Variants in ARHGAP18 observed in about 807,000 individuals in gnomAD.
ARHGAP18 encodes the protein Rho GTPase activating protein 18.
ARHGAP18 carries 67 observed loss-of-function variants against 86.2 expected under a neutral mutation model. That is an observed-to-expected ratio of 0.78 (90% confidence interval 0.64 to 0.95). The LOEUF (loss-of-function observed/expected upper bound fraction) is 0.95, where lower values mean the gene tolerates loss of function less well. Among genes scored for constraint, ARHGAP18 ranks in the 40% least tolerant of loss-of-function variants. The pLI is 0.00. For missense variants in ARHGAP18, 691 were observed against 780.4 expected, an observed-to-expected ratio of 0.89 and a Z score of 1.37; for synonymous variants, 283 against 280.4, an observed-to-expected ratio of 1.01 and a Z score of -0.09.
At chr6:129,624,420 C>T (rs1166949352) in intron 5 of ARHGAP18, among the ~76,000 whole-genome samples, 1 of 151,914 alleles carries the variant, frequency 6.6e-6, no homozygotes, top group Non-Finnish European at 1.5e-5. Context: ...ATCCCTGCTA[C>T]TCGGGAGGCT....
intron 13 of ARHGAP18, among the ~76,000 whole-genome samples, chr6:129,580,530 G>T (rs889896106): frequency 1.3e-5 from 2 of 152,120 alleles, no homozygotes; most frequent in East Asian, 1.9e-4. Context: ...TATTCAATAA[G>T]TATTTATCAT....
At chr6:129,667,134 A>C (rs1774054942) in intron 1 of ARHGAP18, among the ~76,000 whole-genome samples, 1 of 152,140 alleles carries the variant, frequency 6.6e-6, no homozygotes, top group African/African-American at 2.4e-5. Context: ...GGGAGTAAAA[A>C]TATCTTCCCA....
intron 5 of ARHGAP18, among the ~76,000 whole-genome samples, chr6:129,621,080 T>C (rs1789219262): frequency 2.0e-5 from 3 of 152,200 alleles, no homozygotes; most frequent in South Asian, 2.1e-4. Context: ...AACTATAATA[T>C]TGTTATATTA....
chr6:129,577,730 A>C lies in ARHGAP18; in HGVS notation c.*783T>G, dbSNP rs1232940297. On this transcript the variant is annotated 3_prime_UTR_variant, in exon 15 of 15. Coordinates refer to ENST00000368149, the MANE Select transcript of ARHGAP18 (RefSeq NM_033515.3). ...TTCCATTTAGAAGAGTACAGTAGAC[A>C]GAAAGTGCTTTGGCTTTCACTCTCT... The C allele has an allele frequency of 1.3e-5, 2 of 152,200 alleles. No homozygotes were observed. Among genetic ancestry groups the C allele is most frequent in the Non-Finnish European group, 2.9e-5 (2 of 68,030 alleles). The allele number at this position is 152,200 out of a possible 1,614,324, so 9.4% of individuals were successfully genotyped here.
At chr6:129,707,957 C>A (rs1462502345) in intron 1 of ARHGAP18, among the ~76,000 whole-genome samples, 1 of 152,058 alleles carries the variant, frequency 6.6e-6, no homozygotes, top group South Asian at 2.1e-4. Context: ...AAGTCCAGTT[C>A]ACCGCCCCGA....
intron 3 of ARHGAP18, among the ~76,000 whole-genome samples, chr6:129,635,636 T>C (rs1432223969): frequency 2.0e-5 from 3 of 152,340 alleles, no homozygotes; most frequent in South Asian, 4.1e-4. Context: ...TATTTCCTAG[T>C]GTCAGCAAGG....
intron 1 of ARHGAP18, among the ~76,000 whole-genome samples, chr6:129,708,040 T>C (rs1348116236): frequency 6.6e-6 from 1 of 151,628 alleles, no homozygotes; most frequent in Non-Finnish European, 1.5e-5. Flanking sequence ...CTTCTATCCA[T>C]CCCCTCCCCC....
At chr6:129,662,701 A>G (rs1044415704) in intron 1 of ARHGAP18, among the ~76,000 whole-genome samples, 3 of 152,220 alleles carry the variant, frequency 2.0e-5, no homozygotes, top group African/African-American at 7.2e-5. Context: ...TACAGCTCAC[A>G]TTGATACAAG....
rs774621306 is a variant in ARHGAP18, at chr6:129,710,152, A to T, written c.-16T>A. 6.3e-7 allele frequency: 1 copy of T among 1,589,958 alleles called. No homozygotes were observed. Among genetic ancestry groups the T allele is most frequent in the African/African-American group, 1.3e-5 (1 of 74,596 alleles). ...GCCAGCTCATGGTGAGAGAAGGGAC[A>T]TACTTTCTGCGATCCTGACACAGAG... On this transcript the variant is annotated 5_prime_UTR_variant, in exon 1 of 15. It removes an upstream start codon present in the reference 5' UTR. Coordinates refer to ENST00000368149, the MANE Select transcript of ARHGAP18 (RefSeq NM_033515.3).
At chr6:129,690,853 T>G (rs935330668) in intron 1 of ARHGAP18, among the ~76,000 whole-genome samples, 5 of 152,212 alleles carry the variant, frequency 3.3e-5, no homozygotes, top group South Asian at 2.1e-4. Flanking sequence ...AAAGCAAAAT[T>G]TATATGCTTT....
chr6:129,679,505 CACA>C (rs1774289700), intron 1 of ARHGAP18, among the ~76,000 whole-genome samples: 1 of 152,182 alleles, frequency 6.6e-6, no homozygotes, highest in Non-Finnish European at 1.5e-5. Flanking sequence ...TACAATTATA[CACA>C]AGCCAAACAC....
chr6:129,631,267 T>C (rs9372942), intron 4 of ARHGAP18, among the ~76,000 whole-genome samples: 29,182 of 152,040 alleles, frequency 0.19, 2,987 homozygotes, highest in East Asian at 0.26. Flanking sequence ...ACCACCTCCA[T>C]GTCAGGGTTA....
intron 1 of ARHGAP18, among the ~76,000 whole-genome samples, chr6:129,664,421 T>TC (rs1774004753): frequency 6.6e-6 from 1 of 152,120 alleles, no homozygotes; most frequent in Non-Finnish European, 1.5e-5. Context: ...TTTTTTTTTT[T>TC]CAACTTTGAA....
chr6:129,687,844 C>T (rs1317032595), intron 1 of ARHGAP18, among the ~76,000 whole-genome samples: 2 of 152,088 alleles, frequency 1.3e-5, no homozygotes, highest in Non-Finnish European at 2.9e-5. Context: ...CTTAAATCTT[C>T]ACAACACCAC....
intron 1 of ARHGAP18, among the ~76,000 whole-genome samples, chr6:129,642,278 A>G (rs1416250192): frequency 6.6e-6 from 1 of 152,106 alleles, no homozygotes; most frequent in African/African-American, 2.4e-5. Context: ...TTAAATGAAG[A>G]CTCATTTTTC....
intron 5 of ARHGAP18, among the ~76,000 whole-genome samples, chr6:129,627,481 A>G (rs1789504108): frequency 6.6e-6 from 1 of 152,144 alleles, no homozygotes; most frequent in South Asian, 2.1e-4. Context: ...GTGAAACTGA[A>G]TCTGATCAAT....
chr6:129,587,971 G>A (rs1172676691), intron 12 of ARHGAP18, among the ~76,000 whole-genome samples: 2 of 152,162 alleles, frequency 1.3e-5, no homozygotes, highest in Non-Finnish European at 2.9e-5. Flanking sequence ...CTATGAGCCT[G>A]CAAAATCAAA....
intron 2 of ARHGAP18, among the ~76,000 whole-genome samples, chr6:129,639,877 T>G (rs1239550407): frequency 6.6e-6 from 1 of 151,602 alleles, no homozygotes; most frequent in South Asian, 2.1e-4. Flanking sequence ...AAACCCCCTC[T>G]CTACAAAAAA....
At chr6:129,640,042 CAAAAAAAAAAAA>C (rs374771260) in intron 2 of ARHGAP18, among the ~76,000 whole-genome samples, 16 of 72,892 alleles carry the variant, frequency 2.2e-4, no homozygotes, top group African/African-American at 9.7e-4. Context: ...GAGACTGTCT[CAAAAAAAAAAAA>C]AAAAAAAAAA....
Sources: allele counts gnomAD v4.1 joint callset (sites outside exome capture counted in the v4.1 genomes callset), GRCh38; gene constraint gnomAD v4.1.1; transcripts MANE v1.5; gene names NCBI Gene and HGNC (gene_info 2026-07-23, HGNC 2026-07-21).